Variants in CDH4 observed in about 807,000 individuals in gnomAD.
CDH4 encodes the protein cadherin 4, also known as cadherin-4.
Under a neutral mutation model 86.0 loss-of-function variants are expected in CDH4, and 33 were observed. The ratio of observed to expected loss-of-function variants is 0.38; its 90% confidence interval spans 0.29 to 0.51. CDH4 has a LOEUF of 0.51. Ranked by LOEUF, CDH4 falls within the 20% of genes least tolerant of loss-of-function variation. The pLI is 0.86. For synonymous variants in CDH4, 555 were observed against 549.4 expected, an observed-to-expected ratio of 1.01 and a Z score of -0.14; for missense variants, 1,114 against 1,307.4, an observed-to-expected ratio of 0.85 and a Z score of 2.28.
At chr20:61,793,146 G>A (rs964502389) in intron 4 of CDH4, among the ~76,000 whole-genome samples, 4 of 151,600 alleles carry the variant, frequency 2.6e-5, no homozygotes, top group Admixed American at 6.6e-5. Context: ...GTATTTTTTA[G>A]TAGAGACCGG....
In CDH4 at chr20:61,516,118, A is replaced by AG. The variant is rs1232870405; in HGVS notation, c.170-227441dup. ...CTCGTGCTCTGCGTTGCACTGGCAGAGGGGCAGCACAGGACTTAATTCTGC... is the reference window on the plus strand; with the variant it reads ...CTCGTGCTCTGCGTTGCACTGGCAGAGGGGGCAGCACAGGACTTAATTCTGC... On this transcript the variant is annotated intron_variant, in intron 2 of 15. Coordinates refer to ENST00000614565, the MANE Select transcript of CDH4 (RefSeq NM_001794.5). This position sits in a 1 kb window ranked among gnomAD's most constrained non-coding sequence, Gnocchi z 4.0. 6.6e-6 allele frequency among the ~76,000 whole-genome samples: 1 copy of AG among 152,126 alleles called. No individual in the cohort carries two copies. Among genetic ancestry groups the AG allele is most frequent in the African/African-American group, 2.4e-5 (1 of 41,428 alleles).
intron 2 of CDH4, among the ~76,000 whole-genome samples, chr20:61,549,781 T>C (rs1042799962): frequency 2.0e-5 from 3 of 152,248 alleles, no homozygotes; most frequent in African/African-American, 7.2e-5. Flanking sequence ...TCCAGATACA[T>C]GAGCGCTTAG....
In CDH4 at chr20:61,393,377, G is replaced by A. The variant is rs2084997574; in HGVS notation, c.169+138440G>A. 6.6e-6 allele frequency among the ~76,000 whole-genome samples: 1 copy of A among 152,144 alleles called. No homozygotes were observed. The highest frequency in any genetic ancestry group is 6.5e-5 in the Admixed American group (1 of 15,276). ...CGGGGTCTTCCTTACCTCCTAGCTT[G>A]TGTATGGATCAACAACCACCAGCCC... On this transcript the variant is annotated intron_variant, in intron 2 of 15. Transcript: ENST00000614565. The surrounding 1 kb of genome is among the most constrained non-coding windows in gnomAD (Gnocchi z 4.3).
intron 2 of CDH4, among the ~76,000 whole-genome samples, chr20:61,736,798 C>G (rs544530891): frequency 1.3e-5 from 2 of 152,156 alleles, no homozygotes; most frequent in African/African-American, 4.8e-5. Flanking sequence ...CATGAGGTCA[C>G]CCGGGGCGGG....
At chr20:61,929,009 G>A (rs1054471112) in intron 12 of CDH4, among the ~76,000 whole-genome samples, 2 of 152,000 alleles carry the variant, frequency 1.3e-5, no homozygotes, top group Non-Finnish European at 2.9e-5. Context: ...GGCCATTTTT[G>A]TTTCTTCTGT....
At position 61,517,616 on chromosome 20, in the gene CDH4, C is replaced by A. The variant is rs540556550; in HGVS notation, c.170-225947C>A. On this transcript the variant is annotated intron_variant, in intron 2 of 15. Coordinates refer to ENST00000614565, the MANE Select transcript of CDH4 (RefSeq NM_001794.5). The surrounding 1 kb of genome is among the most constrained non-coding windows in gnomAD (Gnocchi z 6.6). Reference sequence around the variant, plus strand: ...CCTGACCTTGGAACTTGGCGGGTGGCTGAGCCCCTTGAGCTGCAAAGTGAG... The same window carrying A: ...CCTGACCTTGGAACTTGGCGGGTGGATGAGCCCCTTGAGCTGCAAAGTGAG... Among the ~76,000 whole-genome samples, 1 of 152,166 alleles carries A rather than the reference C, an allele frequency of 6.6e-6. No homozygotes were observed. Among genetic ancestry groups the A allele is most frequent in the East Asian group, 1.9e-4 (1 of 5,190 alleles).
chr20:61,332,378 C>T (rs1412110107), intron 2 of CDH4, among the ~76,000 whole-genome samples: 5 of 152,242 alleles, frequency 3.3e-5, no homozygotes, highest in Non-Finnish European at 7.3e-5. Flanking sequence ...ACAGCGTCCC[C>T]AGCCTCAGGG....
At chr20:61,353,586 C>T (rs1228016191) in intron 2 of CDH4, among the ~76,000 whole-genome samples, 1 of 85,342 alleles carries the variant, frequency 1.2e-5, no homozygotes, top group Non-Finnish European at 2.6e-5. Flanking sequence ...TCCTGGCTTT[C>T]AATTCAGGTT....
chr20:61,716,086 G>A (rs2087949364), intron 2 of CDH4, among the ~76,000 whole-genome samples: 1 of 152,244 alleles, frequency 6.6e-6, no homozygotes, highest in South Asian at 2.1e-4. Context: ...ACTGTGCTCG[G>A]CTGGAGCTGT....
intron 7 of CDH4, among the ~76,000 whole-genome samples, chr20:61,894,225 T>C (rs1160234524): frequency 6.6e-6 from 1 of 152,140 alleles, no homozygotes; most frequent in Non-Finnish European, 1.5e-5. Context: ...GCTCAGGGAT[T>C]TTGGCACTGA....
rs150211018 is a variant in CDH4, at chr20:61,415,843, G to A, written c.169+160906G>A. ...GCCTCCCGAGTAGCTGGGATTACAGGTGTGCGCCACCATGCCTGGCTACTT... is the reference window on the plus strand; with the variant it reads ...GCCTCCCGAGTAGCTGGGATTACAGATGTGCGCCACCATGCCTGGCTACTT... On this transcript the variant is annotated intron_variant, in intron 2 of 15. Transcript: ENST00000614565. 5.0e-3 allele frequency among the ~76,000 whole-genome samples: 765 copies of A among 152,064 alleles called. 8 individuals carry two copies. Among genetic ancestry groups the A allele is most frequent in the African/African-American group, 0.017 (685 of 41,456 alleles).
At chr20:61,732,256 A>G (rs2088199581) in intron 2 of CDH4, among the ~76,000 whole-genome samples, 1 of 152,196 alleles carries the variant, frequency 6.6e-6, no homozygotes, top group Non-Finnish European at 1.5e-5. Context: ...GAAGTGATGG[A>G]CATGAACACT....
At chr20:61,726,018 A>G (rs929729719) in intron 2 of CDH4, among the ~76,000 whole-genome samples, 9 of 152,134 alleles carry the variant, frequency 5.9e-5, no homozygotes, top group African/African-American at 1.7e-4. Context: ...ACCACGTCAC[A>G]TGGACAACGT....
At chr20:61,748,455 G>A (rs1262106546) in intron 3 of CDH4, among the ~76,000 whole-genome samples, 1 of 152,176 alleles carries the variant, frequency 6.6e-6, no homozygotes, top group Non-Finnish European at 1.5e-5. Flanking sequence ...TGTCTTTCAG[G>A]AAGTAAAGTT....
At position 61,754,533 on chromosome 20, in the gene CDH4, G is replaced by A. The variant is rs985355443; in HGVS notation, c.396+10744G>A. Among the ~76,000 whole-genome samples the A allele has an allele frequency of 1.3e-5, 2 of 152,102 alleles. No individual in the cohort carries two copies. Among genetic ancestry groups the A allele is most frequent in the Non-Finnish European group, 2.9e-5 (2 of 68,014 alleles). On this transcript the variant is annotated intron_variant, in intron 3 of 15. Transcript: ENST00000614565. The surrounding 1 kb of genome is among the most constrained non-coding windows in gnomAD (Gnocchi z 4.7). ...GCTTGGGGTGTCCCTGGGGAGAGGA[G>A]GGATGAGGAACGGGTGCCATTCCAA...
chr20:61,411,643 A>AT (rs1339717569), intron 2 of CDH4, among the ~76,000 whole-genome samples: 1 of 152,058 alleles, frequency 6.6e-6, no homozygotes, highest in Non-Finnish European at 1.5e-5. Flanking sequence ...TGAACAGCTC[A>AT]TTTTGTTCAG....
At chr20:61,343,031 CT>C (rs2084657277) in intron 2 of CDH4, among the ~76,000 whole-genome samples, 1 of 152,200 alleles carries the variant, frequency 6.6e-6, no homozygotes, top group Admixed American at 6.5e-5. Flanking sequence ...GACTTTTCCC[CT>C]GACCCTCACA....
At chr20:61,341,704 G>A (rs184067445) in intron 2 of CDH4, among the ~76,000 whole-genome samples, 58 of 152,160 alleles carry the variant, frequency 3.8e-4, no homozygotes, top group Admixed American at 9.8e-4. Context: ...TTAATAGGCC[G>A]CTGAGTAATT....
chr20:61,733,236 C>T (rs2088217113), intron 2 of CDH4, among the ~76,000 whole-genome samples: 1 of 152,156 alleles, frequency 6.6e-6, no homozygotes, highest in South Asian at 2.1e-4. Context: ...CTATGTTCCA[C>T]ACAGAGCAAG....
Sources: gnomAD v4.1 joint callset for allele counts (sites outside exome capture counted in the v4.1 genomes callset) on GRCh38, gnomAD v4.1.1 for gene constraint, Gnocchi (gnomAD v3.1) non-coding constraint, MANE v1.5 for transcripts, NCBI Gene and HGNC (gene_info 2026-07-23, HGNC 2026-07-21) for gene names.